Variants in PPM1L observed in about 807,000 individuals in gnomAD.
The protein encoded by PPM1L is protein phosphatase 1L.
PPM1L carries 13 observed loss-of-function variants against 31.4 expected under a neutral mutation model. The observed-to-expected ratio is 0.41, with a 90% CI of 0.27 to 0.66. The LOEUF is 0.66. Among genes scored for constraint, PPM1L ranks in the 30% least tolerant of loss-of-function variants. The pLI is 0.29. For synonymous variants in PPM1L, 184 were observed against 175.4 expected, an observed-to-expected ratio of 1.05 and a Z score of -0.39; for missense variants, 326 against 453.7, an observed-to-expected ratio of 0.72 and a Z score of 2.56.
intron 2 of PPM1L, among the ~76,000 whole-genome samples, chr3:161,059,342 T>C (rs1719508484): frequency 6.6e-6 from 1 of 152,088 alleles, no homozygotes; most frequent in African/African-American, 2.4e-5. Flanking sequence ...GGAGTGAGCA[T>C]GGGAGCATGA....
At position 161,078,806 on chromosome 3, in the gene PPM1L, A is replaced by G. The variant is rs550583656; in HGVS notation, c.*9649A>G. 6.6e-6 allele frequency: 1 copy of G among 152,176 alleles called. No individual in the cohort carries two copies. Among genetic ancestry groups the G allele is most frequent in the Admixed American group, 6.5e-5 (1 of 15,272 alleles). 9.4% of individuals were successfully genotyped at this position (152,176 alleles called of 1,614,324 possible). A position where few individuals can be genotyped will look rare whatever the true frequency, so the allele number is the denominator to read the frequency against. ...TTGTAGAGACTAATGTGTTCATGCTATCTCTGATCCTGTGGTGTTGTATAA... is the reference window on the plus strand; with the variant it reads ...TTGTAGAGACTAATGTGTTCATGCTGTCTCTGATCCTGTGGTGTTGTATAA... On this transcript the variant is annotated 3_prime_UTR_variant, in exon 4 of 4. Transcript: ENST00000498165.
chr3:160,771,578 G>A (rs1210066823), intron 1 of PPM1L, among the ~76,000 whole-genome samples: 3 of 115,632 alleles, frequency 2.6e-5, no homozygotes, highest in African/African-American at 7.1e-5. Context: ...TTTAAAAAGA[G>A]CATATTAAAT....
intron 2 of PPM1L, among the ~76,000 whole-genome samples, chr3:160,970,911 C>T (rs1375539945): frequency 6.6e-6 from 1 of 151,544 alleles, no homozygotes; most frequent in Non-Finnish European, 1.5e-5. Context: ...CTGCCTCAGC[C>T]TCCCGAGTAG....
chr3:161,058,118 CTTTTTTTTT>C lies in PPM1L; in HGVS notation c.575-7269_575-7261del, dbSNP rs1186931971. ...TTAGTAGGGTCCATCATTTTCTTTC[CTTTTTTTTT>C]TTTTTTTTTTTTTTTGACGCAGAGT... On this transcript the variant is annotated intron_variant, in intron 2 of 3. Transcript: ENST00000498165. Among the ~76,000 whole-genome samples the C allele has an allele frequency of 1.8e-4, 10 of 54,928 alleles. 1 individual carries two copies. The highest frequency in any genetic ancestry group is 7.5e-4 in the South Asian group (1 of 1,326). 36.0% of individuals were successfully genotyped at this position (54,928 alleles called of 152,430 possible). A position where few individuals can be genotyped will look rare whatever the true frequency, so the allele number is the denominator to read the frequency against.
intron 1 of PPM1L, among the ~76,000 whole-genome samples, chr3:160,799,583 C>G (rs1040388043): frequency 1.3e-5 from 2 of 152,096 alleles, no homozygotes; most frequent in African/African-American, 4.8e-5. Flanking sequence ...TTGTGTGACT[C>G]TCTTTATTGT....
intron 2 of PPM1L, among the ~76,000 whole-genome samples, chr3:161,032,288 A>G (rs911951179): frequency 2.0e-5 from 3 of 152,340 alleles, no homozygotes; most frequent in Middle Eastern, 3.4e-3. Flanking sequence ...CTATCACTCA[A>G]TAGGTCACCC....
intron 2 of PPM1L, among the ~76,000 whole-genome samples, chr3:161,014,119 A>G (rs1050079563): frequency 1.3e-5 from 2 of 152,148 alleles, no homozygotes; most frequent in African/African-American, 2.4e-5. Flanking sequence ...TCCTAGCATC[A>G]ATGGTCTTTA....
intron 1 of PPM1L, among the ~76,000 whole-genome samples, chr3:160,784,894 C>G (rs1291926044): frequency 6.6e-6 from 1 of 152,154 alleles, no homozygotes; most frequent in Non-Finnish European, 1.5e-5. Flanking sequence ...TGCTGATCAA[C>G]AAGCTAGGAT....
At position 160,983,461 on chromosome 3, in the gene PPM1L, A is replaced by G. The variant is rs1038348472; in HGVS notation, c.574+21551A>G. Among the ~76,000 whole-genome samples the G allele has an allele frequency of 3.3e-5, 5 of 152,146 alleles. 1 individual carries two copies. The highest frequency in any genetic ancestry group is 1.2e-4 in the African/African-American group (5 of 41,430). ...GGTGGTGGGATAGGGGGTGGGTAAT[A>G]TGAAAGCTTTACAAAATGAAATGAG... On this transcript the variant is annotated intron_variant, in intron 2 of 3. Transcript: ENST00000498165.
At chr3:160,821,853 T>A (rs919184121) in intron 1 of PPM1L, among the ~76,000 whole-genome samples, 21 of 151,858 alleles carry the variant, frequency 1.4e-4, no homozygotes, top group Admixed American at 5.9e-4. Flanking sequence ...ATTCCTTTTT[T>A]AAAAAAAATT....
chr3:160,757,293 T>A (rs1440803831), intron 1 of PPM1L, among the ~76,000 whole-genome samples: 2 of 152,218 alleles, frequency 1.3e-5, no homozygotes, highest in African/African-American at 4.8e-5. Context: ...TCGGGCCAAT[T>A]GACAGGAGCG....
intron 1 of PPM1L, among the ~76,000 whole-genome samples, chr3:160,905,836 G>C (rs1470429091): frequency 3.9e-5 from 6 of 152,034 alleles, no homozygotes; most frequent in African/African-American, 1.4e-4. Context: ...AGTAGAACTA[G>C]ACAAAACATT....
chr3:160,794,987 A>G (rs1315864784), intron 1 of PPM1L, among the ~76,000 whole-genome samples: 1 of 152,094 alleles, frequency 6.6e-6, no homozygotes, highest in Admixed American at 6.5e-5. Context: ...TAAACCTAGT[A>G]TGGCATGACT....
chr3:160,938,854 T>A (rs948129314), intron 1 of PPM1L, among the ~76,000 whole-genome samples: 1 of 152,148 alleles, frequency 6.6e-6, no homozygotes, highest in African/African-American at 2.4e-5. Flanking sequence ...TAACAGAACT[T>A]TATTGCCCTG....
chr3:160,900,657 G>A (rs1269843055), intron 1 of PPM1L, among the ~76,000 whole-genome samples: 1 of 151,594 alleles, frequency 6.6e-6, no homozygotes, highest in Non-Finnish European at 1.5e-5. Flanking sequence ...ATATTATAAT[G>A]TGGCTATATT....
rs200392486 is a variant in PPM1L, at chr3:160,989,408, ATT to A, written c.574+27511_574+27512del. Among the ~76,000 whole-genome samples, 174 of 145,590 alleles carry A rather than the reference ATT, an allele frequency of 1.2e-3. 1 individual carries two copies. Among genetic ancestry groups the A allele is most frequent in the African/African-American group, 3.6e-3 (144 of 39,880 alleles). Reference sequence around the variant, plus strand: ...TTATTATTTATTATTATTTAAAACAATTTTTTTTTTTTTTGAGCAGAGTTTCA... The same window carrying A: ...TTATTATTTATTATTATTTAAAACAATTTTTTTTTTTTGAGCAGAGTTTCA... On this transcript the variant is annotated intron_variant, in intron 2 of 3. Coordinates refer to ENST00000498165, the MANE Select transcript of PPM1L (RefSeq NM_139245.4).
At chr3:161,054,503 A>G (rs983917930) in intron 2 of PPM1L, among the ~76,000 whole-genome samples, 2 of 152,076 alleles carry the variant, frequency 1.3e-5, no homozygotes, top group Non-Finnish European at 2.9e-5. Context: ...TTGTCGATTT[A>G]AATATGTATT....
At chr3:160,952,887 T>G (rs533027408) in intron 1 of PPM1L, among the ~76,000 whole-genome samples, 5 of 152,334 alleles carry the variant, frequency 3.3e-5, no homozygotes, top group Admixed American at 2.6e-4. Context: ...TTCAGTTTAA[T>G]GGAGCTTGAG....
At chr3:160,970,150 A>G (rs554058837) in intron 2 of PPM1L, among the ~76,000 whole-genome samples, 2 of 152,294 alleles carry the variant, frequency 1.3e-5, no homozygotes, top group South Asian at 4.1e-4. Context: ...AATATTTTTA[A>G]TATGGTTCCT....
Sources: allele counts gnomAD v4.1 joint callset (sites outside exome capture counted in the v4.1 genomes callset), GRCh38; gene constraint gnomAD v4.1.1; transcripts MANE v1.5; gene names NCBI Gene and HGNC (gene_info 2026-07-23, HGNC 2026-07-21).